The following POF1B variants were observed in gnomAD, a reference collection of about 807,000 sequenced individuals.
POF1B encodes the protein POF1B actin binding protein, also known as protein POF1B.
A neutral mutation model predicts 55.3 loss-of-function variants in POF1B; 53 were observed. That is an observed-to-expected ratio of 0.96 (90% CI 0.77 to 1.20). The LOEUF (loss-of-function observed/expected upper bound fraction) is 1.20. POF1B is among the 50% of genes most tolerant of loss of function. POF1B has a pLI of 0.00. For missense variants in POF1B, 478 were observed against 420.5 expected (o/e 1.14, Z -1.20); for synonymous variants, 188 against 148.3 (o/e 1.27, Z -1.95).
chrX:85,351,259 C>A, intron 5 of POF1B, 91 bp downstream of exon 5: 3 of 539,016 alleles, frequency 5.6e-6, no homozygotes, highest in South Asian at 3.4e-5. Context: ...TCTTGCCTTG[C>A]ACTTCAGAGT....
intron 13 of POF1B, among the ~76,000 whole-genome samples, chrX:85,305,503 G>A (rs962513481): frequency 2.7e-5 from 3 of 110,952 alleles, no homozygotes; most frequent in African/African-American, 6.5e-5. Context: ...GCAAGATCAT[G>A]AAGAGTCCTC....
At chrX:85,346,122 T>A (rs1933265808) in intron 5 of POF1B, 80 bp from the exon 6 acceptor site, 1 of 737,089 alleles carries the variant, frequency 1.4e-6, no homozygotes, top group Non-Finnish European at 1.8e-6. Flanking sequence ...ACCATTTTTT[T>A]AAACTTAATG....
chrX:85,308,101 GA>G, intron 10 of POF1B, 22 bp downstream of exon 10: 1 of 1,081,421 alleles, frequency 9.2e-7, no homozygotes, highest in Non-Finnish European at 1.3e-6. Context: ...AAAGGCTTTG[GA>G]AAAAATCAAA....
intron 16 of POF1B, among the ~76,000 whole-genome samples, 163 bp from the exon 17 acceptor site, chrX:85,279,589 A>G (rs1471871840): frequency 9.0e-6 from 1 of 110,998 alleles, no homozygotes; most frequent in African/African-American, 3.3e-5. Flanking sequence ...TCAATGAAAC[A>G]ATGATTTGTC....
rs761488766 is a variant in POF1B, at chrX:85,337,106, A to C, written c.724-6027T>G. Among the ~76,000 whole-genome samples the C allele has an allele frequency of 1.3e-4, 14 of 111,955 alleles. No individual in the cohort carries two copies. In the South Asian group the frequency reaches 5.1e-3, roughly 41 times the overall value. On this transcript the variant is annotated intron_variant, in intron 6 of 16. Transcript: ENST00000262753. ...CCTTGGTTGAAAATGAGTTCACTAT[A>C]GATACATGAATTTGTTTCTGGGTTC...
chrX:85,378,317 G>C (rs1350733648), intron 2 of POF1B, among the ~76,000 whole-genome samples: 1 of 111,610 alleles, frequency 9.0e-6, no homozygotes, highest in Non-Finnish European at 1.9e-5. Context: ...AGTTTGGACA[G>C]AATTTTCCAG....
At chrX:85,294,716 TA>T (rs1294384044) in intron 15 of POF1B, among the ~76,000 whole-genome samples, 6 of 111,696 alleles carry the variant, frequency 5.4e-5, no homozygotes, top group African/African-American at 2.0e-4. Context: ...GGTATCAGGA[TA>T]ATGCTGGCTT....
intron 6 of POF1B, among the ~76,000 whole-genome samples, chrX:85,343,358 G>A (rs1463330666): frequency 1.8e-5 from 2 of 110,690 alleles, no homozygotes; most frequent in African/African-American, 6.6e-5. Flanking sequence ...TAGACAACAT[G>A]TAATCTAGTC....
chrX:85,354,863 G>T (rs1208005295), intron 4 of POF1B, among the ~76,000 whole-genome samples: 1 of 111,210 alleles, frequency 9.0e-6, no homozygotes, highest in East Asian at 2.8e-4. Flanking sequence ...AATCAATAAC[G>T]TGAAAATGGC....
At position 85,278,336 on chromosome X, in the gene POF1B, T is replaced by C. The variant is rs1173196311; in HGVS notation, c.*1085A>G. On this transcript the variant is annotated 3_prime_UTR_variant, in exon 17 of 17. Transcript: ENST00000262753. ...CCCAAATATGTTTGTTGCCTTAATC[T>C]ATACTTGGACAAAGGCAACATTTTA... is the stretch of plus-strand genomic sequence containing the variant. 1.8e-5 allele frequency: 2 copies of C among 111,299 alleles called. No individual in the cohort carries two copies. The highest frequency in any genetic ancestry group is 3.7e-4 in the South Asian group (1 of 2,723). The allele number at this position is 111,299 out of a possible 1,213,427, so 9.2% of individuals were successfully genotyped here. A position where few individuals can be genotyped will look rare whatever the true frequency, so the allele number is the denominator to read the frequency against.
At chrX:85,349,842 G>T (rs1239301980) in intron 5 of POF1B, among the ~76,000 whole-genome samples, 2 of 110,687 alleles carry the variant, frequency 1.8e-5, no homozygotes, top group Non-Finnish European at 3.8e-5. Flanking sequence ...GCACTTTGTT[G>T]CAGCAGCCCT....
intron 4 of POF1B, 143 bp from the exon 5 acceptor site, chrX:85,351,594 T>A: frequency 2.3e-6 from 1 of 426,007 alleles, no homozygotes; most frequent in Non-Finnish European, 4.1e-6. Context: ...CCAATAATGT[T>A]GGTAGATGCA....
intron 6 of POF1B, among the ~76,000 whole-genome samples, chrX:85,336,117 C>A (rs1302220828): frequency 2.7e-5 from 3 of 110,714 alleles, no homozygotes; most frequent in Non-Finnish European, 5.7e-5. Context: ...ATTTGTTTTT[C>A]TGTGCCTGGC....
rs1931839120 is a variant in POF1B, at chrX:85,279,027, G to A, written c.*394C>T. The stretch of plus-strand genomic sequence containing the variant: ...CATGATTTCATCTTGTAACTGAACT[G>A]CACATATAATATCAGAGAAAATCTT... On this transcript the variant is annotated 3_prime_UTR_variant, in exon 17 of 17. Transcript: ENST00000262753. The A allele has an allele frequency of 7.7e-6, 1 of 129,967 alleles. No individual in the cohort carries two copies. Among genetic ancestry groups the A allele is most frequent in the African/African-American group, 3.2e-5 (1 of 31,403 alleles). 10.7% of individuals were successfully genotyped at this position (129,967 alleles called of 1,213,427 possible).
At chrX:85,286,305 G>T (rs756583108) in intron 15 of POF1B, among the ~76,000 whole-genome samples, 1 of 110,281 alleles carries the variant, frequency 9.1e-6, no homozygotes, top group African/African-American at 3.3e-5. Flanking sequence ...ACAAAAGAAA[G>T]AAGTATACCT....
chrX:85,330,486 A>G (rs933555771), intron 7 of POF1B, among the ~76,000 whole-genome samples: 1 of 111,837 alleles, frequency 8.9e-6, no homozygotes, highest in Non-Finnish European at 1.9e-5. Flanking sequence ...AAGTTATAGT[A>G]TGCCATGCAT....
intron 7 of POF1B, among the ~76,000 whole-genome samples, chrX:85,323,282 C>T (rs1932859277): frequency 9.0e-6 from 1 of 110,899 alleles, no homozygotes; most frequent in African/African-American, 3.3e-5. Flanking sequence ...ATGATGAGTT[C>T]ATGTCTTTTG....
At chrX:85,286,210 G>A (rs1230756101) in intron 15 of POF1B, among the ~76,000 whole-genome samples, 1 of 111,280 alleles carries the variant, frequency 9.0e-6, no homozygotes, top group Admixed American at 9.6e-5. Context: ...GATTATTACA[G>A]AGTTGTTATG....
chrX:85,338,526 C>A (rs372686202), intron 6 of POF1B, among the ~76,000 whole-genome samples: 1 of 111,580 alleles, frequency 9.0e-6, no homozygotes, highest in Non-Finnish European at 1.9e-5. Context: ...TTTGTAACAG[C>A]GTAAATTATT....
Sources: gnomAD v4.1 joint callset for allele counts (sites outside exome capture counted in the v4.1 genomes callset) on GRCh38, gnomAD v4.1.1 for gene constraint, MANE v1.5 for transcripts, NCBI Gene and HGNC (gene_info 2026-07-23, HGNC 2026-07-21) for gene names.